Variants in MRPS6 observed in about 807,000 individuals in gnomAD.
MRPS6 encodes the protein mitochondrial ribosomal protein S6.
In MRPS6, 6 loss-of-function variants were observed where a neutral mutation model predicts 13.1. The observed-to-expected ratio is 0.46, with a 90% CI of 0.25 to 0.91. MRPS6 has a LOEUF of 0.91. Among genes scored for constraint, MRPS6 ranks in the 40% least tolerant of loss-of-function variants. The probability of loss-of-function intolerance (pLI) is 0.18; values close to 1 mark genes in which losing one functional copy is unlikely to be tolerated. For synonymous variants in MRPS6, 61 were observed against 56.5 expected (o/e 1.08, Z -0.36); for missense variants, 164 against 155.6 (o/e 1.05, Z -0.29).
chr21:34,139,647 G>A (rs57398791), intron 2 of MRPS6, among the ~76,000 whole-genome samples: 19,909 of 151,974 alleles, frequency 0.13, 2,142 homozygotes, highest in African/African-American at 0.3. Flanking sequence ...ATACAATCAC[G>A]GCTCACTGCA....
chr21:34,130,025 G>A (rs185036239), intron 2 of MRPS6, among the ~76,000 whole-genome samples: 10 of 152,282 alleles, frequency 6.6e-5, no homozygotes, highest in African/African-American at 2.4e-4. Context: ...TAACTGAGAC[G>A]GTCTAGGAAC....
intron 2 of MRPS6, among the ~76,000 whole-genome samples, chr21:34,141,278 C>T (rs1469925778): frequency 3.3e-5 from 5 of 152,228 alleles, no homozygotes; most frequent in African/African-American, 9.6e-5. Context: ...GCATACTGTG[C>T]CAGTGGTGAG....
intron 1 of MRPS6, chr21:34,098,463 AT>A (rs143708036): frequency 6.4e-5 from 62 of 963,444 alleles, no homozygotes; most frequent in Middle Eastern, 5.4e-4. Flanking sequence ...TTTTTCCCTG[AT>A]TTTTTTTTTC....
chr21:34,134,530 T>A (rs1370657623), intron 2 of MRPS6, among the ~76,000 whole-genome samples: 2 of 152,216 alleles, frequency 1.3e-5, no homozygotes, highest in Non-Finnish European at 2.9e-5. Context: ...ATAAACTGCA[T>A]ATATTTAAAG....
rs537677336 is a variant in MRPS6 at position 34,126,707 on chromosome 21, A to G, written c.185+1227A>G. Among the ~76,000 whole-genome samples the G allele has an allele frequency of 3.3e-5, 5 of 152,298 alleles. 1 individual carries two copies. The highest frequency in any genetic ancestry group is 9.6e-5 in the African/African-American group (4 of 41,560). On this transcript the variant is annotated intron_variant, in intron 2 of 2. Transcript: ENST00000399312. ...GAGGAGCATATAAAAACTGTCCGAG[A>G]GTCATTAGCGCAGTTCTTGGATGGA...
At chr21:34,130,696 C>T (rs1327129514) in intron 2 of MRPS6, among the ~76,000 whole-genome samples, 1 of 152,182 alleles carries the variant, frequency 6.6e-6, no homozygotes, top group Non-Finnish European at 1.5e-5. Flanking sequence ...ACTATTGCTC[C>T]AGCTTTCAAA....
chr21:34,115,655 A>G (rs1181680492), intron 1 of MRPS6, among the ~76,000 whole-genome samples: 2 of 152,202 alleles, frequency 1.3e-5, no homozygotes, highest in African/African-American at 4.8e-5. Context: ...GTCCAAGTGT[A>G]GATCTGGGAC....
At chr21:34,115,653 G>T (rs1229766673) in intron 1 of MRPS6, among the ~76,000 whole-genome samples, 1 of 152,186 alleles carries the variant, frequency 6.6e-6, no homozygotes, top group Non-Finnish European at 1.5e-5. Flanking sequence ...GTGTCCAAGT[G>T]TAGATCTGGG....
rs532944323 is a variant in MRPS6 at position 34,097,967 on chromosome 21, T to G, written c.45+24222T>G. On this transcript the variant is annotated intron_variant, in intron 1 of 2. Coordinates refer to ENST00000399312, the MANE Select transcript of MRPS6 (RefSeq NM_032476.4). Reference sequence around the variant, plus strand: ...TTTTGTACCACCAGTATATGGAATGTTAGGGAAAAACTTTGTTCCAGTTCC... The same window carrying G: ...TTTTGTACCACCAGTATATGGAATGGTAGGGAAAAACTTTGTTCCAGTTCC... 1.9e-5 allele frequency: 19 copies of G among 997,182 alleles called. No individual in the cohort carries two copies. The East Asian group carries it at 2.0e-3, about 107-fold the overall frequency. 61.8% of individuals were successfully genotyped at this position (997,182 alleles called of 1,614,324 possible).
chr21:34,132,034 T>C (rs928334276), intron 2 of MRPS6, among the ~76,000 whole-genome samples: 3 of 152,216 alleles, frequency 2.0e-5, no homozygotes, highest in Non-Finnish European at 4.4e-5. Flanking sequence ...AACCAGGAAT[T>C]GGTGAAGGTC....
At chr21:34,080,093 A>G (rs1989425993) in intron 1 of MRPS6, among the ~76,000 whole-genome samples, 2 of 152,210 alleles carry the variant, frequency 1.3e-5, no homozygotes, top group African/African-American at 4.8e-5. Context: ...GTCTCCTGAC[A>G]TACTACTGAG....
rs555801788 is a variant in MRPS6, at chr21:34,125,369, C to T, written c.74C>T (p.Thr25Met). 144 of 1,613,614 alleles carry T rather than the reference C, an allele frequency of 8.9e-5. No homozygotes were observed. The highest frequency in any genetic ancestry group is 1.1e-4 in the Non-Finnish European group (124 of 1,179,820). ...RPETAATLKR[T>M]IEALMDRGAI... is the part of the protein sequence containing the mutation. Reference sequence around the variant, plus strand: ...GAGACTGCTGCTACTTTGAAACGTACGATAGAGGCCCTGATGGACAGAGGA... The same window carrying T: ...GAGACTGCTGCTACTTTGAAACGTATGATAGAGGCCCTGATGGACAGAGGA... Residue 25 changes from threonine (T) to methionine (M), a missense_variant, in exon 2 of 3, where the codon ACG (threonine) becomes ATG (methionine). Transcript: ENST00000399312.
At chr21:34,097,020 A>C (rs750375483) in intron 1 of MRPS6, 1 of 1,614,120 alleles carries the variant, frequency 6.2e-7, no homozygotes, top group South Asian at 1.1e-5. Flanking sequence ...TCTGTTGGTA[A>C]CCTGCAGAGA....
intron 2 of MRPS6, chr21:34,135,734 C>CA (rs1193545343): frequency 2.3e-6 from 1 of 429,866 alleles, no homozygotes; most frequent in East Asian, 5.9e-5. Context: ...TGAGGGTTCT[C>CA]GCCTGTGAGC....
intron 1 of MRPS6, among the ~76,000 whole-genome samples, chr21:34,120,627 A>T (rs1342276625): frequency 1.3e-5 from 2 of 152,094 alleles, no homozygotes; most frequent in Non-Finnish European, 2.9e-5. Flanking sequence ...TATTTCGTTA[A>T]ATTTTTGGAT....
At chr21:34,115,481 C>A (rs1411111687) in intron 1 of MRPS6, among the ~76,000 whole-genome samples, 1 of 152,176 alleles carries the variant, frequency 6.6e-6, no homozygotes, top group Non-Finnish European at 1.5e-5. Flanking sequence ...TCCTCTCATT[C>A]CCCAAGAGAC....
intron 2 of MRPS6, among the ~76,000 whole-genome samples, chr21:34,136,813 T>TTG (rs1353621678): frequency 6.6e-6 from 1 of 152,210 alleles, no homozygotes; most frequent in African/African-American, 2.4e-5. Context: ...GGTTTTGGTG[T>TTG]TGTGTCTAAG....
chr21:34,075,421 C>T (rs781161917), intron 1 of MRPS6, among the ~76,000 whole-genome samples: 3 of 151,906 alleles, frequency 2.0e-5, no homozygotes, highest in Admixed American at 1.3e-4. Flanking sequence ...TTTTTATGTC[C>T]TGTAATAACA....
chr21:34,097,156 G>A (rs1399868867), intron 1 of MRPS6: 7 of 1,613,844 alleles, frequency 4.3e-6, no homozygotes, highest in Middle Eastern at 1.6e-4. Flanking sequence ...GATGGAGGTC[G>A]GTACTGGAAG....
Sources: gnomAD v4.1 joint callset for allele counts (sites outside exome capture counted in the v4.1 genomes callset) on GRCh38, gnomAD v4.1.1 for gene constraint, MANE v1.5 for transcripts, NCBI Gene and HGNC (gene_info 2026-07-23, HGNC 2026-07-21) for gene names.